Variants in SUPT3H observed in about 807,000 individuals in gnomAD.
SUPT3H encodes SPT3 homolog, SAGA and STAGA complex component.
Under a neutral mutation model 44.3 loss-of-function variants are expected in SUPT3H, and 44 were observed. The ratio of observed to expected loss-of-function variants is 0.99; its 90% CI spans 0.78 to 1.28. SUPT3H has a LOEUF of 1.28. Among genes scored for constraint, SUPT3H ranks in the 50% most tolerant of loss-of-function variants. The pLI is 0.00. For synonymous variants in SUPT3H, 124 were observed against 125.6 expected, an observed-to-expected ratio of 0.99 and a Z score of 0.09; for missense variants, 380 against 387.1, an observed-to-expected ratio of 0.98 and a Z score of 0.15.
At chr6:44,957,556 T>G (rs12210292) in intron 7 of SUPT3H, among the ~76,000 whole-genome samples, 1 of 151,886 alleles carries the variant, frequency 6.6e-6, no homozygotes, top group African/African-American at 2.4e-5. Context: ...GAAACAGATA[T>G]TTTGTGACTG....
At chr6:44,945,275 A>C (rs1773162526) in intron 9 of SUPT3H, among the ~76,000 whole-genome samples, 1 of 152,142 alleles carries the variant, frequency 6.6e-6, no homozygotes, top group Admixed American at 6.5e-5. Flanking sequence ...CTGAGACACA[A>C]CAATACTGAA....
At chr6:44,929,750 A>T (rs1281450853) in intron 10 of SUPT3H, among the ~76,000 whole-genome samples, 2 of 147,618 alleles carry the variant, frequency 1.4e-5, no homozygotes, top group African/African-American at 5.0e-5. Context: ...AATCATGGTA[A>T]GTTTCTACCA....
chr6:45,172,747 G>T (rs181749086), intron 2 of SUPT3H, among the ~76,000 whole-genome samples: 2 of 151,480 alleles, frequency 1.3e-5, no homozygotes, highest in African/African-American at 2.4e-5. Context: ...GCGCACCACC[G>T]TGCCCAGCTA....
At position 45,095,681 on chromosome 6, in the gene SUPT3H, G is replaced by T. The variant is rs1461041520; in HGVS notation, c.186+10241C>A. On this transcript the variant is annotated intron_variant, in intron 3 of 10. Coordinates refer to ENST00000371459, the MANE Select transcript of SUPT3H (RefSeq NM_003599.4). This position sits in a 1 kb window ranked among gnomAD's most constrained non-coding sequence, Gnocchi z 4.1. ...TTACATTCTATGCATAAAATGTAGT[G>T]AATCTTTTGATATTTAACTTTGAAT... Among the ~76,000 whole-genome samples the T allele has an allele frequency of 6.6e-6, 1 of 152,098 alleles. No homozygotes were observed. The highest frequency in any genetic ancestry group is 6.6e-5 in the Admixed American group (1 of 15,266).
chr6:44,953,444 C>T, intron 8 of SUPT3H, 27 bp from the exon 9 acceptor site: 1 of 1,578,292 alleles, frequency 6.3e-7, no homozygotes, highest in Non-Finnish European at 8.7e-7. Context: ...ATGAAAGTCA[C>T]ATAGCTAGAA....
At chr6:45,067,832 T>C (rs1403710237) in intron 3 of SUPT3H, among the ~76,000 whole-genome samples, 4 of 144,992 alleles carry the variant, frequency 2.8e-5, no homozygotes, top group South Asian at 2.3e-4. Flanking sequence ...GGAGAGGATG[T>C]GGAGAAATAG....
At chr6:45,264,629 T>C (rs1013813839) in intron 2 of SUPT3H, among the ~76,000 whole-genome samples, 3 of 152,186 alleles carry the variant, frequency 2.0e-5, no homozygotes, top group African/African-American at 7.2e-5. Context: ...ATACCAACCC[T>C]AAACTGTCTA....
At chr6:44,870,539 C>T (rs1190473303) in intron 10 of SUPT3H, among the ~76,000 whole-genome samples, 1 of 147,100 alleles carries the variant, frequency 6.8e-6, no homozygotes, top group Admixed American at 6.9e-5. Flanking sequence ...GTCGAGGCTG[C>T]AGCGAGCCGG....
intron 2 of SUPT3H, among the ~76,000 whole-genome samples, chr6:45,303,264 T>C (rs1296227600): frequency 3.3e-5 from 5 of 151,866 alleles, no homozygotes; most frequent in Non-Finnish European, 4.4e-5. Flanking sequence ...CAAAGACAAA[T>C]AGGTGGGACT....
rs1378496919 is a variant in SUPT3H at position 44,861,465 on chromosome 6, C to A, written c.913-31608G>T. Among the ~76,000 whole-genome samples the A allele has an allele frequency of 2.0e-5, 3 of 151,998 alleles. No homozygotes were observed. The East Asian group carries it at 5.8e-4, about 29-fold the overall frequency. On this transcript the variant is annotated intron_variant, in intron 10 of 10. Transcript: ENST00000371459. The stretch of plus-strand genomic sequence containing the variant: ...ACAGTGGCACAATCTTGTCTCACTA[C>A]AACCTCCGCCTCCTGGATTCAAGCG...
chr6:44,826,668 C>T (rs1316224078), downstream of SUPT3H, among the ~76,000 whole-genome samples: 1 of 152,108 alleles, frequency 6.6e-6, no homozygotes, highest in East Asian at 1.9e-4. Flanking sequence ...GATTTGAGAA[C>T]TACGTAAAAA....
chr6:45,163,799 T>TA (rs35049516), intron 2 of SUPT3H, among the ~76,000 whole-genome samples: 74,057 of 137,830 alleles, frequency 0.54, 18,877 homozygotes, highest in Admixed American at 0.6. Flanking sequence ...GTCACTTTTA[T>TA]AAAAAAAAAA....
At chr6:45,044,443 T>A (rs988437180) in intron 3 of SUPT3H, among the ~76,000 whole-genome samples, 1 of 152,156 alleles carries the variant, frequency 6.6e-6, no homozygotes, top group Non-Finnish European at 1.5e-5. Context: ...ACTGTAATGT[T>A]AGGCTAGATC....
rs1403732211 is a variant in SUPT3H at position 45,066,108 on chromosome 6, C to T, written c.186+39814G>A. On this transcript the variant is annotated intron_variant, in intron 3 of 10. Transcript: ENST00000371459. ...CCAGCAGCACATCAAAAAGCTTATC[C>T]ACCATGATCAAGTGGGCTTCATCCC... is the stretch of plus-strand genomic sequence containing the variant. Among the ~76,000 whole-genome samples the T allele has an allele frequency of 1.1e-3, 138 of 126,714 alleles. No individual in the cohort carries two copies. In the Middle Eastern group the frequency reaches 0.011, roughly 10 times the overall value. 83.1% of individuals were successfully genotyped at this position (126,714 alleles called of 152,430 possible). A position where few individuals can be genotyped will look rare whatever the true frequency, so the allele number is the denominator to read the frequency against.
chr6:45,103,613 T>C (rs1487003856), intron 3 of SUPT3H, among the ~76,000 whole-genome samples: 1 of 151,672 alleles, frequency 6.6e-6, no homozygotes, highest in Non-Finnish European at 1.5e-5. Context: ...ATTACAAAAG[T>C]CAAATGAAAC....
chr6:45,081,165 T>C (rs898963928), intron 3 of SUPT3H, among the ~76,000 whole-genome samples: 8 of 150,838 alleles, frequency 5.3e-5, no homozygotes, highest in African/African-American at 1.5e-4. Context: ...CCAAAGAGAG[T>C]GAAATTGACA....
At chr6:45,047,793 A>T (rs1430008379) in intron 3 of SUPT3H, among the ~76,000 whole-genome samples, 2 of 152,088 alleles carry the variant, frequency 1.3e-5, no homozygotes, top group Non-Finnish European at 2.9e-5. Flanking sequence ...ATTCTAACAT[A>T]TGCAAAGTCA....
chr6:44,855,842 C>A (rs968323696), intron 10 of SUPT3H, among the ~76,000 whole-genome samples: 5 of 151,910 alleles, frequency 3.3e-5, no homozygotes, highest in African/African-American at 1.2e-4. Context: ...AAGCTTCATA[C>A]TGTCTGCCAT....
At chr6:45,204,597 G>A (rs990082327) in intron 2 of SUPT3H, among the ~76,000 whole-genome samples, 1 of 152,170 alleles carries the variant, frequency 6.6e-6, no homozygotes, top group Admixed American at 6.5e-5. Context: ...TCAATCTTAT[G>A]TGTTTTTAAC....
Sources: allele counts gnomAD v4.1 joint callset (sites outside exome capture counted in the v4.1 genomes callset), GRCh38; gene constraint gnomAD v4.1.1; non-coding constraint Gnocchi (gnomAD v3.1); transcripts MANE v1.5; gene names NCBI Gene and HGNC (gene_info 2026-07-23, HGNC 2026-07-21).